The following SAMD5 variants were observed in gnomAD, a reference collection of about 807,000 sequenced individuals.
SAMD5 encodes the protein sterile alpha motif domain-containing protein 5.
SAMD5 carries 13 observed loss-of-function variants against 11.3 expected under a neutral mutation model. The ratio of observed to expected loss-of-function variants is 1.15; its 90% confidence interval spans 0.75 to 1.83. The LOEUF (loss-of-function observed/expected upper bound fraction) is 1.83. SAMD5 is among the 40% of genes most tolerant of loss of function. The pLI, the probability that SAMD5 is intolerant of heterozygous loss-of-function variation, is 0.00. For synonymous variants in SAMD5, 129 were observed against 111.3 expected, an observed-to-expected ratio of 1.16 and a Z score of -1.00; for missense variants, 255 against 239.1, an observed-to-expected ratio of 1.07 and a Z score of -0.44.
the SAMD5 span, among the ~76,000 whole-genome samples, chr6:147,822,975 C>T: frequency 7.4e-5 from 10 of 135,204 alleles, no homozygotes; most frequent in East Asian, 5.9e-4. Flanking sequence ...CCACTGCACC[C>T]GGCTAATTTT....
intron 1 of SAMD5, among the ~76,000 whole-genome samples, chr6:147,558,297 C>T (rs541815927): frequency 8.3e-4 from 126 of 152,242 alleles, no homozygotes; most frequent in Non-Finnish European, 1.4e-3. Context: ...AGCCAGGCAA[C>T]AGAAGTGTTG....
chr6:147,761,056 A>T, the SAMD5 span, among the ~76,000 whole-genome samples: 1 of 152,212 alleles, frequency 6.6e-6, no homozygotes, highest in Admixed American at 6.5e-5. Context: ...AAATACATTT[A>T]AAACTTCTTT....
the SAMD5 span, among the ~76,000 whole-genome samples, chr6:147,946,916 A>G: frequency 3.9e-5 from 6 of 152,234 alleles, no homozygotes; most frequent in Non-Finnish European, 1.5e-5. Context: ...ACCTAATTTC[A>G]TGATTACTTA....
At chr6:147,850,636 T>A in the SAMD5 span, among the ~76,000 whole-genome samples, 1 of 152,192 alleles carries the variant, frequency 6.6e-6, no homozygotes, top group Non-Finnish European at 1.5e-5. Context: ...TTTCCTAGGA[T>A]TCAGTTACCC....
At chr6:147,661,798 T>A (rs1790652122) in intron 1 of SAMD5, among the ~76,000 whole-genome samples, 1 of 151,822 alleles carries the variant, frequency 6.6e-6, no homozygotes, top group African/African-American at 2.4e-5. Flanking sequence ...CCCGGCTAAT[T>A]TTTTGTATTT....
At chr6:147,951,240 G>A in the SAMD5 span, among the ~76,000 whole-genome samples, 2 of 150,732 alleles carry the variant, frequency 1.3e-5, no homozygotes, top group African/African-American at 4.9e-5. Flanking sequence ...GGAGTGCAGT[G>A]GCGCGATCTC....
At chr6:147,858,828 A>G in the SAMD5 span, among the ~76,000 whole-genome samples, 5 of 152,214 alleles carry the variant, frequency 3.3e-5, no homozygotes, top group South Asian at 2.1e-4. Context: ...CATTGATTCA[A>G]TAAGTAAATA....
chr6:147,828,105 CCT>C, the SAMD5 span, among the ~76,000 whole-genome samples: 25 of 152,222 alleles, frequency 1.6e-4, no homozygotes, highest in African/African-American at 5.8e-4. Flanking sequence ...ATTCTATACC[CCT>C]GTCTTTGCTA....
chr6:147,766,517 GA>G, the SAMD5 span, among the ~76,000 whole-genome samples: 5 of 152,092 alleles, frequency 3.3e-5, no homozygotes, highest in African/African-American at 4.8e-5. Flanking sequence ...TTGGATAAAA[GA>G]AAATTTAAAA....
At chr6:147,687,276 CTTT>C (rs59851113) in intron 1 of SAMD5, among the ~76,000 whole-genome samples, 23 of 105,024 alleles carry the variant, frequency 2.2e-4, no homozygotes, top group African/African-American at 6.5e-4. Context: ...TCTCCTCCTT[CTTT>C]TTTTTTTTTT....
Position 147,630,433 on chromosome 6 carries a change from A to G in SAMD5, c.163-106884A>G, listed in dbSNP as rs531124835. ...TGTCCAGACGGCCTGAAGCAAGTGA[A>G]GAATCACAAAATAAGTGAAAATGGC... On this transcript the variant is annotated intron_variant, in intron 1 of 1. Transcript: ENST00000566741. Among the ~76,000 whole-genome samples the G allele has an allele frequency of 5.9e-5, 9 of 152,318 alleles. No individual in the cohort carries two copies. The South Asian group carries it at 1.7e-3, about 28-fold the overall frequency.
the SAMD5 span, among the ~76,000 whole-genome samples, chr6:147,744,773 C>G: frequency 6.6e-6 from 1 of 152,092 alleles, no homozygotes; most frequent in Non-Finnish European, 1.5e-5. Context: ...TGGCACGTGC[C>G]TGTAATCCCT....
At chr6:147,886,211 TA>T in the SAMD5 span, among the ~76,000 whole-genome samples, 1 of 152,164 alleles carries the variant, frequency 6.6e-6, no homozygotes, top group Non-Finnish European at 1.5e-5. Context: ...AAATTCAATC[TA>T]TACACTCAGC....
chr6:147,871,441 A>T, the SAMD5 span, among the ~76,000 whole-genome samples: 1 of 152,208 alleles, frequency 6.6e-6, no homozygotes, highest in African/African-American at 2.4e-5. Flanking sequence ...CTGAAACGGA[A>T]AAAACAAAAA....
At chr6:147,758,859 G>T in the SAMD5 span, among the ~76,000 whole-genome samples, 1 of 152,140 alleles carries the variant, frequency 6.6e-6, no homozygotes, top group Non-Finnish European at 1.5e-5. Context: ...TGAAAGAAGG[G>T]TACTCTGTAA....
intron 1 of SAMD5, among the ~76,000 whole-genome samples, chr6:147,710,277 G>A (rs1391456185): frequency 2.0e-5 from 3 of 152,186 alleles, no homozygotes; most frequent in Non-Finnish European, 4.4e-5. Flanking sequence ...ATGTATTACT[G>A]TATTGAAAGT....
the SAMD5 span, among the ~76,000 whole-genome samples, chr6:147,929,176 A>G: frequency 2.6e-5 from 4 of 152,168 alleles, no homozygotes; most frequent in Admixed American, 6.6e-5. Context: ...CAGTAAGTTC[A>G]GTTGTCTTCA....
At chr6:147,811,646 G>A in the SAMD5 span, among the ~76,000 whole-genome samples, 1 of 152,140 alleles carries the variant, frequency 6.6e-6, no homozygotes, top group Non-Finnish European at 1.5e-5. Flanking sequence ...AGAGAAGAGG[G>A]GGAGGGGGTT....
chr6:147,675,726 A>G (rs1790853630), intron 1 of SAMD5, among the ~76,000 whole-genome samples: 1 of 152,196 alleles, frequency 6.6e-6, no homozygotes, highest in Non-Finnish European at 1.5e-5. Flanking sequence ...ACTTAAATGT[A>G]GATTTTAGGA....
Sources: allele counts gnomAD v4.1 joint callset (sites outside exome capture counted in the v4.1 genomes callset), GRCh38; gene constraint gnomAD v4.1.1; transcripts MANE v1.5; gene names NCBI Gene and HGNC (gene_info 2026-07-23, HGNC 2026-07-21).